Variants in POLR3H observed in about 807,000 individuals in gnomAD.
The protein encoded by POLR3H is DNA-directed RNA polymerase III subunit RPC8.
In POLR3H, 17 loss-of-function variants were observed where a neutral mutation model predicts 25.5. The observed-to-expected ratio is 0.67, with a 90% CI of 0.46 to 1.00. The LOEUF is 1.00. Among genes scored for constraint, POLR3H ranks in the 50% least tolerant of loss-of-function variants. POLR3H has a pLI of 0.00. For synonymous variants in POLR3H, 129 were observed against 103.0 expected, an observed-to-expected ratio of 1.25 and a Z score of -1.53; for missense variants, 274 against 265.0, an observed-to-expected ratio of 1.03 and a Z score of -0.24.
At chr22:41,532,407 A>G (rs1002851054) in intron 3 of POLR3H, among the ~76,000 whole-genome samples, 7 of 152,228 alleles carry the variant, frequency 4.6e-5, no homozygotes, top group African/African-American at 1.4e-4. Context: ...AGTGGGCGCT[A>G]AAGACTCCCA....
rs181755513 is a variant in POLR3H at position 41,527,585 on chromosome 22, C to T, written c.*1698G>A. ...TTAGGCTCACACAGTGCACATCCGA[C>T]GCTCAGCTTCCCGGCTTCCCGCAGG... is the stretch of plus-strand genomic sequence containing the variant. On this transcript the variant is annotated 3_prime_UTR_variant, in exon 6 of 6. Transcript: ENST00000355209. 1.2e-4 allele frequency: 118 copies of T among 1,015,220 alleles called. No homozygotes were observed. The African/African-American group carries it at 1.3e-3, about 11-fold the overall frequency. The allele number at this position is 1,015,220 out of a possible 1,614,324, so 62.9% of individuals were successfully genotyped here.
intron 2 of POLR3H, 115 bp from the exon 3 acceptor site, chr22:41,532,860 C>T (rs2066768384): frequency 8.9e-7 from 1 of 1,123,608 alleles, no homozygotes; most frequent in Middle Eastern, 2.3e-4. Flanking sequence ...GCCACATCCC[C>T]CTGCAAGCCT....
At chr22:41,542,392 T>C (rs2066943442) in intron 1 of POLR3H, among the ~76,000 whole-genome samples, 1 of 152,118 alleles carries the variant, frequency 6.6e-6, no homozygotes. Flanking sequence ...CCTGTATTCC[T>C]TCTTCACAGG....
Position 41,527,663 on chromosome 22 carries a change from G to A in POLR3H, c.*1620C>T. On this transcript the variant is annotated 3_prime_UTR_variant, in exon 6 of 6. Coordinates refer to ENST00000355209, the MANE Select transcript of POLR3H (RefSeq NM_001018050.4). ...CCGCTGAGATCTAGGACATGTGCCA[G>A]GGGGTTCTTTCTGATCATGAATGTG... 1.3e-6 allele frequency: 1 copy of A among 789,758 alleles called. No homozygotes were observed. Among genetic ancestry groups the A allele is most frequent in the Non-Finnish European group, 2.0e-6 (1 of 509,414 alleles). 48.9% of individuals were successfully genotyped at this position (789,758 alleles called of 1,614,324 possible).
Position 41,527,255 on chromosome 22 carries a change from T to C in POLR3H, c.*2028A>G. Reference sequence around the variant, plus strand: ...GACAGGTGAGGACGGTGCCCTCCTCTGCCTTATAACCTTACCCCCGCTTGC... The same window carrying C: ...GACAGGTGAGGACGGTGCCCTCCTCCGCCTTATAACCTTACCCCCGCTTGC... On this transcript the variant is annotated 3_prime_UTR_variant, in exon 6 of 6. Coordinates refer to ENST00000355209, the MANE Select transcript of POLR3H (RefSeq NM_001018050.4). 1 of 1,613,798 alleles carries C rather than the reference T, an allele frequency of 6.2e-7. No homozygotes were observed. The highest frequency in any genetic ancestry group is 1.3e-5 in the African/African-American group (1 of 74,872).
chr22:41,530,561 C>T lies in POLR3H; in HGVS notation c.561+126G>A, dbSNP rs2066706870. 11 of 860,652 alleles carry T rather than the reference C, an allele frequency of 1.3e-5. No individual in the cohort carries two copies. In the South Asian group the frequency reaches 1.8e-4, roughly 14 times the overall value. The allele number at this position is 860,652 out of a possible 1,614,324, so 53.3% of individuals were successfully genotyped here. ...TCCAGGGAGAAGTGACCAGCCAAGA[C>T]CCCCCAAACAGGATCCCTGACCTGC... On this transcript the variant is annotated intron_variant, in intron 5 of 5. Coordinates refer to ENST00000355209, the MANE Select transcript of POLR3H (RefSeq NM_001018050.4).
intron 2 of POLR3H, chr22:41,539,242 G>C (rs965708551): frequency 6.6e-6 from 1 of 151,776 alleles, no homozygotes; most frequent in Non-Finnish European, 1.5e-5. Context: ...CTGGGCAACA[G>C]AGCAAGACTC....
Position 41,540,715 on chromosome 22 carries a change from G to A in POLR3H, c.192C>T (p.Gly64=), listed in dbSNP as rs771472417. ...LEDAYVFPGD[G]ASHTKVHFRC... ...GATACCCACCTTTGGTGTGTGATGCGCCATCCCCAGGGAATACATAGGCAT... is the reference window on the plus strand; with the variant it reads ...GATACCCACCTTTGGTGTGTGATGCACCATCCCCAGGGAATACATAGGCAT... Residue 64 remains glycine (G), a synonymous_variant, in exon 2 of 6, where the codon GGC becomes GGT. Coordinates refer to ENST00000355209, the MANE Select transcript of POLR3H (RefSeq NM_001018050.4). The A allele has an allele frequency of 1.2e-6, 2 of 1,613,098 alleles. No homozygotes were observed. The highest frequency in any genetic ancestry group is 1.7e-6 in the Non-Finnish European group (2 of 1,179,242).
chr22:41,537,221 C>T (rs1435803532), intron 2 of POLR3H, among the ~76,000 whole-genome samples: 1 of 152,216 alleles, frequency 6.6e-6, no homozygotes, highest in East Asian at 1.9e-4. Flanking sequence ...ACCACAGCTT[C>T]ACTCAGACTT....
chr22:41,526,099 G>A lies in POLR3H; in HGVS notation c.*3184C>T, dbSNP rs984857722. ...GCCTGAGCCCATGTGGCCTTAGGGT[G>A]GAAGCACCAGGACCACAGAACACGT... On this transcript the variant is annotated 3_prime_UTR_variant, in exon 6 of 6. Transcript: ENST00000355209. The A allele has an allele frequency of 4.9e-6, 3 of 613,128 alleles. No individual in the cohort carries two copies. The highest frequency in any genetic ancestry group is 3.7e-5 in the African/African-American group (2 of 54,044). The allele number at this position is 613,128 out of a possible 1,614,324, so 38.0% of individuals were successfully genotyped here. A position where few individuals can be genotyped will look rare whatever the true frequency, so the allele number is the denominator to read the frequency against.
intron 1 of POLR3H, among the ~76,000 whole-genome samples, chr22:41,541,301 G>A (rs2066925287): frequency 6.6e-6 from 1 of 152,128 alleles, no homozygotes; most frequent in Admixed American, 6.6e-5. Flanking sequence ...TTTAGTGAGC[G>A]TCACAGCCAC....
chr22:41,539,960 T>G (rs996399604), intron 2 of POLR3H: 6 of 160,642 alleles, frequency 3.7e-5, no homozygotes, highest in Non-Finnish European at 8.3e-5. Flanking sequence ...CCTAAGAGCT[T>G]TCATGTATTA....
At chr22:41,538,104 TAC>T (rs1283570131) in intron 2 of POLR3H, among the ~76,000 whole-genome samples, 1 of 151,742 alleles carries the variant, frequency 6.6e-6, no homozygotes, top group Non-Finnish European at 1.5e-5. Flanking sequence ...TAGCTGGGAT[TAC>T]AGACATGTGC....
At chr22:41,529,508 C>T (rs117087599) in intron 5 of POLR3H, among the ~76,000 whole-genome samples, 172 bp from the exon 6 acceptor site, 160 of 152,284 alleles carry the variant, frequency 1.1e-3, no homozygotes, top group Non-Finnish European at 2.0e-3. Flanking sequence ...CCAACGGGCA[C>T]GCAGCACGCA....
intron 2 of POLR3H, among the ~76,000 whole-genome samples, chr22:41,536,591 C>T (rs925797857): frequency 2.0e-5 from 3 of 150,440 alleles, no homozygotes; most frequent in Admixed American, 6.6e-5. Flanking sequence ...AAAGGCCAGG[C>T]GCAGTGGCTC....
chr22:41,544,299 G>C lies in POLR3H; in HGVS notation c.-198C>G. 1.9e-6 allele frequency: 1 copy of C among 527,382 alleles called. No homozygotes were observed. Among genetic ancestry groups the C allele is most frequent in the Non-Finnish European group, 3.4e-6 (1 of 296,228 alleles). 32.7% of individuals were successfully genotyped at this position (527,382 alleles called of 1,614,324 possible). On this transcript the variant is annotated 5_prime_UTR_variant, in exon 1 of 6. Coordinates refer to ENST00000355209, the MANE Select transcript of POLR3H (RefSeq NM_001018050.4). ...ACAACATGAGGAAACTGAGGCCAGAGGGAGGCACTCTCCGTCCACAGCTCC... is the reference window on the plus strand; with the variant it reads ...ACAACATGAGGAAACTGAGGCCAGACGGAGGCACTCTCCGTCCACAGCTCC...
intron 1 of POLR3H, 71 bp downstream of exon 1, chr22:41,543,920 C>A (rs761954754): frequency 2.7e-6 from 3 of 1,102,674 alleles, no homozygotes; most frequent in East Asian, 4.8e-5. Context: ...TGACCGAGGC[C>A]GGGCCTGCGG....
rs1008528411 is a variant in POLR3H, at chr22:41,527,735, G to A, written c.*1548C>T. ...CTCAGCACCAGCGCACACTTGCTAG[G>A]GGCACCCCTAGTGAAAGGGAGCAGA... On this transcript the variant is annotated 3_prime_UTR_variant, in exon 6 of 6. Coordinates refer to ENST00000355209, the MANE Select transcript of POLR3H (RefSeq NM_001018050.4). The A allele has an allele frequency of 1.6e-5, 19 of 1,167,842 alleles. No individual in the cohort carries two copies. Among genetic ancestry groups the A allele is most frequent in the Non-Finnish European group, 2.3e-5 (19 of 838,376 alleles). 72.3% of individuals were successfully genotyped at this position (1,167,842 alleles called of 1,614,324 possible).
chr22:41,527,017 C>A lies in POLR3H; in HGVS notation c.*2266G>T, dbSNP rs1260635179. Reference sequence around the variant, plus strand: ...CTCACCCAACCTCCCTCCACACACACCTGCCTCTGCCAAGCACCAATGGGT... The same window carrying A: ...CTCACCCAACCTCCCTCCACACACAACTGCCTCTGCCAAGCACCAATGGGT... On this transcript the variant is annotated 3_prime_UTR_variant, in exon 6 of 6. Coordinates refer to ENST00000355209, the MANE Select transcript of POLR3H (RefSeq NM_001018050.4). 1 of 544,650 alleles carries A rather than the reference C, an allele frequency of 1.8e-6. No individual in the cohort carries two copies. Among genetic ancestry groups the A allele is most frequent in the Non-Finnish European group, 3.3e-6 (1 of 304,980 alleles). 33.7% of individuals were successfully genotyped at this position (544,650 alleles called of 1,614,324 possible).
Sources: gnomAD v4.1 joint callset for allele counts (sites outside exome capture counted in the v4.1 genomes callset) on GRCh38, gnomAD v4.1.1 for gene constraint, MANE v1.5 for transcripts, NCBI Gene and HGNC (gene_info 2026-07-23, HGNC 2026-07-21) for gene names.